PIAS1: variants seen among roughly 807,000 people sequenced by gnomAD.
PIAS1 encodes E3 SUMO-protein ligase PIAS1.
Under a neutral mutation model 71.3 loss-of-function variants are expected in PIAS1, and 6 were observed. That is an observed-to-expected ratio of 0.08 (90% CI 0.05 to 0.17). The LOEUF (loss-of-function observed/expected upper bound fraction) is 0.17. PIAS1 is among the 10% of genes least tolerant of loss of function. The probability of loss-of-function intolerance (pLI) is 1.00; values close to 1 mark genes in which losing one functional copy is unlikely to be tolerated. For missense variants in PIAS1, 555 were observed against 793.6 expected (o/e 0.70, Z 3.61); for synonymous variants, 303 against 292.9 (o/e 1.03, Z -0.35).
intron 11 of PIAS1, among the ~76,000 whole-genome samples, chr15:68,179,561 G>GTTTTTTT (rs1307028845): frequency 1.3e-4 from 4 of 30,186 alleles, no homozygotes; most frequent in Non-Finnish European, 2.0e-4. Flanking sequence ...CTCGTGAAAT[G>GTTTTTTT]TTCTTTTTTT....
chr15:68,183,930 GATA>G (rs1475240312), intron 13 of PIAS1: 1 of 238,070 alleles, frequency 4.2e-6, no homozygotes. Flanking sequence ...ACAATATAAC[GATA>G]ATAAACAACT....
chr15:68,159,267 T>C (rs1156423912), intron 7 of PIAS1, among the ~76,000 whole-genome samples: 1 of 152,202 alleles, frequency 6.6e-6, no homozygotes, highest in Non-Finnish European at 1.5e-5. Context: ...TAAGTGCTTC[T>C]ACTTTTACTT....
intron 7 of PIAS1, among the ~76,000 whole-genome samples, chr15:68,157,576 T>C (rs2092899239): frequency 6.6e-6 from 1 of 152,248 alleles, no homozygotes; most frequent in Non-Finnish European, 1.5e-5. Context: ...TCATCCTGAA[T>C]ACTTCTGCTG....
Position 68,191,234 on chromosome 15 carries a change from G to A in PIAS1, c.*3399G>A, listed in dbSNP as rs745891306. 2.0e-5 allele frequency: 3 copies of A among 152,608 alleles called. No individual in the cohort carries two copies. The highest frequency in any genetic ancestry group is 4.4e-5 in the Non-Finnish European group (3 of 68,038). The allele number at this position is 152,608 out of a possible 1,614,324, so 9.5% of individuals were successfully genotyped here. On this transcript the variant is annotated 3_prime_UTR_variant, in exon 14 of 14. Coordinates refer to ENST00000249636, the MANE Select transcript of PIAS1 (RefSeq NM_016166.3). ...CAGATAAAGTTACCATAAATTCCAT[G>A]AACTTAAATCTGTGATTCATTGCCT...
chr15:68,182,518 G>GTGT (rs2093061447), intron 12 of PIAS1, among the ~76,000 whole-genome samples: 2 of 11,562 alleles, frequency 1.7e-4, no homozygotes, highest in South Asian at 1.7e-3. Context: ...TGTGTGTGTC[G>GTGT]GAGTTTTGCT....
intron 8 of PIAS1, among the ~76,000 whole-genome samples, chr15:68,166,172 C>T (rs945538703): frequency 6.6e-6 from 1 of 151,832 alleles, no homozygotes; most frequent in African/African-American, 2.4e-5. Flanking sequence ...ATTCCTGTAA[C>T]GTTTATTTTT....
intron 1 of PIAS1, among the ~76,000 whole-genome samples, chr15:68,057,809 CTACAG>C (rs1484034546): frequency 2.0e-5 from 3 of 152,162 alleles, no homozygotes; most frequent in Non-Finnish European, 2.9e-5. Flanking sequence ...TTTAAAAACT[CTACAG>C]TATAGTTTAT....
Position 68,183,178 on chromosome 15 carries a change from A to AAG in PIAS1, c.1625-450_1625-449dup, listed in dbSNP as rs143256418. Among the ~76,000 whole-genome samples, 971 of 152,306 alleles carry AAG rather than the reference A, an allele frequency of 6.4e-3. 6 individuals carry two copies. Among genetic ancestry groups the AAG allele is most frequent in the East Asian group, 0.036 (185 of 5,188 alleles). The stretch of plus-strand genomic sequence containing the variant: ...TGATAGCAAATGAGCAAATTTAAGA[A>AAG]AGAAAAATCAGTACTACAACTTACT... On this transcript the variant is annotated intron_variant, in intron 12 of 13. Coordinates refer to ENST00000249636, the MANE Select transcript of PIAS1 (RefSeq NM_016166.3).
In PIAS1 at chr15:68,060,281, G is replaced by A. The variant is rs1597111138; in HGVS notation, c.24+5931G>A. Reference sequence around the variant, plus strand: ...TTTTTGTTTTGCTGGGATTACAGGTGTGAGCCACCACGCCCAGCTGATGCT... The same window carrying A: ...TTTTTGTTTTGCTGGGATTACAGGTATGAGCCACCACGCCCAGCTGATGCT... On this transcript the variant is annotated intron_variant, in intron 1 of 13. Coordinates refer to ENST00000249636, the MANE Select transcript of PIAS1 (RefSeq NM_016166.3). Among the ~76,000 whole-genome samples, 2 of 152,084 alleles carry A rather than the reference G, an allele frequency of 1.3e-5. 1 individual carries two copies. Among genetic ancestry groups the A allele is most frequent in the African/African-American group, 4.8e-5 (2 of 41,362 alleles).
At chr15:68,132,035 T>TAAAAAA (rs35523127) in intron 2 of PIAS1, among the ~76,000 whole-genome samples, 1 of 118,636 alleles carries the variant, frequency 8.4e-6, no homozygotes. Flanking sequence ...AAACCTCCTC[T>TAAAAAA]AAAAAAAAAA....
intron 2 of PIAS1, among the ~76,000 whole-genome samples, chr15:68,133,185 A>G (rs538341179): frequency 3.3e-5 from 5 of 152,192 alleles, no homozygotes; most frequent in South Asian, 4.1e-4. Context: ...TGTTTATTCA[A>G]TCATTCTTCT....
intron 2 of PIAS1, among the ~76,000 whole-genome samples, chr15:68,101,048 G>A (rs531265476): frequency 6.6e-6 from 1 of 151,786 alleles, no homozygotes; most frequent in Non-Finnish European, 1.5e-5. Flanking sequence ...ACAGGCACAC[G>A]CCACCACACC....
Position 68,092,506 on chromosome 15 carries a change from A to G in PIAS1, c.469+5756A>G, listed in dbSNP as rs186872222. ...GTGTTATTTCTAATGTTCTAATTCA[A>G]TGTTCTTCTACTTGATTACTGAAGG... On this transcript the variant is annotated intron_variant, in intron 2 of 13. Coordinates refer to ENST00000249636, the MANE Select transcript of PIAS1 (RefSeq NM_016166.3). 1.2e-3 allele frequency among the ~76,000 whole-genome samples: 179 copies of G among 152,208 alleles called. 1 individual carries two copies. The highest frequency in any genetic ancestry group is 4.0e-3 in the African/African-American group (166 of 41,526).
chr15:68,189,194 G>C lies in PIAS1; in HGVS notation c.*1359G>C, dbSNP rs998412026. On this transcript the variant is annotated 3_prime_UTR_variant, in exon 14 of 14. Transcript: ENST00000249636. ...GGAACATGTAAATATACTGAAAACT[G>C]TTTTTCAGGAGAGAAATATGAGTTG... 6.6e-6 allele frequency: 1 copy of C among 151,936 alleles called. No homozygotes were observed. Among genetic ancestry groups the C allele is most frequent in the Non-Finnish European group, 1.5e-5 (1 of 68,014 alleles). The allele number at this position is 151,936 out of a possible 1,614,324, so 9.4% of individuals were successfully genotyped here. A position where few individuals can be genotyped will look rare whatever the true frequency, so the allele number is the denominator to read the frequency against.
intron 11 of PIAS1, among the ~76,000 whole-genome samples, chr15:68,179,564 C>CTTTTTTTTTTTTTT (rs766344324): frequency 0.013 from 538 of 40,084 alleles, 182 homozygotes; most frequent in South Asian, 0.02. Context: ...GTGAAATGTT[C>CTTTTTTTTTTTTTT]TTTTTTTTTT....
intron 2 of PIAS1, among the ~76,000 whole-genome samples, chr15:68,111,871 A>T (rs1423605225): frequency 6.6e-6 from 1 of 152,098 alleles, no homozygotes; most frequent in African/African-American, 2.4e-5. Flanking sequence ...TTGTGTGTGG[A>T]TTGGGGGTGC....
chr15:68,163,760 G>A (rs541363507), intron 7 of PIAS1, among the ~76,000 whole-genome samples: 2 of 152,234 alleles, frequency 1.3e-5, no homozygotes, highest in Middle Eastern at 3.4e-3. Context: ...ACACTTAGTT[G>A]TACCACAGCT....
intron 1 of PIAS1, among the ~76,000 whole-genome samples, chr15:68,057,981 A>C (rs1459030857): frequency 6.6e-6 from 1 of 152,192 alleles, no homozygotes; most frequent in Non-Finnish European, 1.5e-5. Context: ...TGGCGAGTCC[A>C]TAGCTGATTA....
In PIAS1 at chr15:68,078,985, A is replaced by G. The variant is rs184637367; in HGVS notation, c.25-7321A>G. 2.7e-4 allele frequency among the ~76,000 whole-genome samples: 41 copies of G among 152,150 alleles called. No homozygotes were observed. In the East Asian group the frequency reaches 7.9e-3, roughly 29 times the overall value. ...ATGAGAAGAAAATTTCATTTAATAC[A>G]GTTACAATGTTGAATTTTGAAATTT... On this transcript the variant is annotated intron_variant, in intron 1 of 13. Coordinates refer to ENST00000249636, the MANE Select transcript of PIAS1 (RefSeq NM_016166.3).
Sources: allele counts gnomAD v4.1 joint callset (sites outside exome capture counted in the v4.1 genomes callset), GRCh38; gene constraint gnomAD v4.1.1; transcripts MANE v1.5; gene names NCBI Gene and HGNC (gene_info 2026-07-23, HGNC 2026-07-21).